The following UGT2B7 variants were observed in gnomAD, a reference collection of about 807,000 sequenced individuals.
UGT2B7 encodes the protein UDP-glucuronosyltransferase 2B7.
A neutral mutation model predicts 51.9 loss-of-function variants in UGT2B7; 51 were observed. That is an observed-to-expected ratio of 0.98 (90% CI 0.78 to 1.24). The LOEUF (loss-of-function observed/expected upper bound fraction) is 1.24. Ranked by LOEUF, UGT2B7 falls within the 50% of genes most tolerant of loss-of-function variation. The pLI is 0.00. For missense variants in UGT2B7, 727 were observed against 628.4 expected, an observed-to-expected ratio of 1.16 and a Z score of -1.68; for synonymous variants, 225 against 211.6, an observed-to-expected ratio of 1.06 and a Z score of -0.55.
chr4:69,112,800 G>T lies in UGT2B7; in HGVS notation c.*64G>T, dbSNP rs2109898056. The T allele has an allele frequency of 2.2e-6, 3 of 1,389,848 alleles. No homozygotes were observed. The highest frequency in any genetic ancestry group is 1.9e-6 in the Non-Finnish European group (2 of 1,059,886). The allele number at this position is 1,389,848 out of a possible 1,614,324, so 86.1% of individuals were successfully genotyped here. A position where few individuals can be genotyped will look rare whatever the true frequency, so the allele number is the denominator to read the frequency against. On this transcript the variant is annotated 3_prime_UTR_variant, in exon 6 of 6. Coordinates refer to ENST00000305231, the MANE Select transcript of UGT2B7 (RefSeq NM_001074.4). ...AGACTACTTCAGTTTATTCCAGCAA[G>T]AAAGATTGTGATGCAAGATTTCTTT...
intron 2 of UGT2B7, 145 bp downstream of exon 2, chr4:69,098,833 T>C: frequency 1.5e-6 from 2 of 1,379,158 alleles, no homozygotes; most frequent in Non-Finnish European, 2.0e-6. Context: ...TAGAAACTCA[T>C]GTGCACGTTA....
rs955375704 is a variant in UGT2B7, at chr4:69,090,184, T to C, written c.-27+581T>C. Among the ~76,000 whole-genome samples the C allele has an allele frequency of 5.3e-5, 8 of 152,312 alleles. No individual in the cohort carries two copies. In the East Asian group the frequency reaches 1.5e-3, roughly 29 times the overall value. On this transcript the variant is annotated intron_variant, in intron 2 of 5. Transcript: ENST00000502942. ...TTTAACTTTCTTGTTATTGCAATTCTAGATTTCCACTATTTGGGTAGTACT... is the reference window on the plus strand; with the variant it reads ...TTTAACTTTCTTGTTATTGCAATTCCAGATTTCCACTATTTGGGTAGTACT...
chr4:69,097,548 C>T (rs186980003), intron 1 of UGT2B7, among the ~76,000 whole-genome samples: 1 of 152,170 alleles, frequency 6.6e-6, no homozygotes, highest in East Asian at 1.9e-4. Context: ...ATCTTAAAAA[C>T]AGTAAAATCC....
intron 2 of UGT2B7, among the ~76,000 whole-genome samples, chr4:69,100,768 C>T (rs1719392674): frequency 6.6e-6 from 1 of 152,050 alleles, no homozygotes; most frequent in East Asian, 1.9e-4. Context: ...GAATGCAAGT[C>T]AATGGTTGTG....
chr4:69,082,554 C>T (rs767810493), intron 1 of UGT2B7, among the ~76,000 whole-genome samples: 29 of 152,070 alleles, frequency 1.9e-4, no homozygotes, highest in Non-Finnish European at 3.4e-4. Flanking sequence ...CGCCTTAACC[C>T]TAACCCTAAT....
At chr4:69,069,219 C>T (rs7658748) in intron 1 of UGT2B7, among the ~76,000 whole-genome samples, 65,156 of 151,782 alleles carry the variant, frequency 0.43, 15,534 homozygotes, top group African/African-American at 0.64. Flanking sequence ...TCTTGGTCAG[C>T]GCCAACTTCT....
intron 3 of UGT2B7, among the ~76,000 whole-genome samples, chr4:69,103,601 G>A (rs975343536): frequency 2.6e-5 from 4 of 152,142 alleles, no homozygotes; most frequent in African/African-American, 7.2e-5. Context: ...CACAAAAAAC[G>A]TATATCCAGA....
intron 1 of UGT2B7, among the ~76,000 whole-genome samples, chr4:69,080,219 G>C (rs1718804929): frequency 6.6e-6 from 1 of 152,024 alleles, no homozygotes; most frequent in Non-Finnish European, 1.5e-5. Flanking sequence ...AAAATATTGT[G>C]AAATATGAAA....
chr4:69,099,363 G>A (rs1023931594), intron 2 of UGT2B7, among the ~76,000 whole-genome samples: 22 of 151,558 alleles, frequency 1.5e-4, no homozygotes, highest in Non-Finnish European at 2.8e-4. Context: ...ATGGTGAGAG[G>A]CAAATTAGAG....
intron 1 of UGT2B7, among the ~76,000 whole-genome samples, chr4:69,086,261 G>A (rs1010253527): frequency 1.3e-5 from 2 of 151,446 alleles, no homozygotes; most frequent in Non-Finnish European, 3.0e-5. Context: ...TTGTTTATGA[G>A]CACATTTAAT....
upstream of UGT2B7, among the ~76,000 whole-genome samples, chr4:69,093,360 C>T (rs1297911219): frequency 3.9e-5 from 6 of 152,214 alleles, no homozygotes; most frequent in Non-Finnish European, 7.3e-5. Flanking sequence ...GCCCACCCCA[C>T]GCGGCTGAGA....
At chr4:69,091,539 G>T (rs1185467842), upstream of UGT2B7, among the ~76,000 whole-genome samples, 1 of 151,952 alleles carries the variant, frequency 6.6e-6, no homozygotes, top group Admixed American at 6.6e-5. Flanking sequence ...AATAAAGCGT[G>T]GCCATTCATA....
In UGT2B7 at chr4:69,084,448, T is replaced by A. The variant is rs529404783; in HGVS notation, c.-158-5024T>A. ...TTTGGAAAAAATATTTGGGAAAAAA[T>A]GGATTAATTTTTTAATTATACTTTA... is the stretch of plus-strand genomic sequence containing the variant. On this transcript the variant is annotated intron_variant, in intron 1 of 5. Coordinates refer to the UGT2B7 transcript ENST00000502942. Among the ~76,000 whole-genome samples, 10 of 151,842 alleles carry A rather than the reference T, an allele frequency of 6.6e-5. No homozygotes were observed. In the South Asian group the frequency reaches 2.1e-3, roughly 32 times the overall value.
At chr4:69,091,218 A>T (rs1193215197) in intron 2 of UGT2B7, among the ~76,000 whole-genome samples, 1 of 152,202 alleles carries the variant, frequency 6.6e-6, no homozygotes, top group African/African-American at 2.4e-5. Flanking sequence ...TTCATATCAA[A>T]ATAGTCTTTA....
rs1173455111 is a variant in UGT2B7 at position 69,108,329 on chromosome 4, A to G, written c.1310+7A>G. 1 of 1,612,172 alleles carries G rather than the reference A, an allele frequency of 6.2e-7. No individual in the cohort carries two copies. Among genetic ancestry groups the G allele is most frequent in the South Asian group, 1.1e-5 (1 of 90,986 alleles). Reference sequence around the variant, plus strand: ...GAGTAATTAATGATCCTTCGTGAGTAGAACAATATTTTTCACTAGGTGGTA... The same window carrying G: ...GAGTAATTAATGATCCTTCGTGAGTGGAACAATATTTTTCACTAGGTGGTA... On this transcript the variant is annotated splice_region_variant and intron_variant, in intron 5 of 5. Coordinates refer to ENST00000305231, the MANE Select transcript of UGT2B7 (RefSeq NM_001074.4).
intron 1 of UGT2B7, among the ~76,000 whole-genome samples, chr4:69,087,656 G>T (rs187234815): frequency 6.6e-6 from 1 of 151,652 alleles, no homozygotes; most frequent in East Asian, 1.9e-4. Flanking sequence ...CTTTTGTTTC[G>T]GAAAATGTTA....
chr4:69,108,741 T>C (rs1345692753), intron 5 of UGT2B7, among the ~76,000 whole-genome samples: 3 of 152,098 alleles, frequency 2.0e-5, no homozygotes, highest in Non-Finnish European at 4.4e-5. Flanking sequence ...TGTAACAGAC[T>C]TGAAAATGAG....
intron 5 of UGT2B7, among the ~76,000 whole-genome samples, chr4:69,112,092 C>T (rs935483363): frequency 1.3e-5 from 2 of 152,150 alleles, no homozygotes; most frequent in Non-Finnish European, 2.9e-5. Context: ...ACACCCTGTG[C>T]CTGATAGTTA....
intron 1 of UGT2B7, among the ~76,000 whole-genome samples, chr4:69,061,465 C>T (rs927029244): frequency 6.6e-6 from 1 of 152,184 alleles, no homozygotes; most frequent in Non-Finnish European, 1.5e-5. Context: ...AAAGAAGAAG[C>T]CTTAGCTATG....
Sources: allele counts gnomAD v4.1 joint callset (sites outside exome capture counted in the v4.1 genomes callset), GRCh38; gene constraint gnomAD v4.1.1; transcripts MANE v1.5; gene names NCBI Gene and HGNC (gene_info 2026-07-23, HGNC 2026-07-21).